Variants in GRIP1 observed in about 807,000 individuals in gnomAD.
GRIP1 encodes glutamate receptor-interacting protein 1.
A neutral mutation model predicts 129.9 loss-of-function variants in GRIP1; 45 were observed. The observed-to-expected ratio is 0.35, with a 90% CI of 0.27 to 0.44. GRIP1 has a LOEUF of 0.44. Among genes scored for constraint, GRIP1 ranks in the 20% least tolerant of loss-of-function variants. GRIP1 has a pLI of 1.00. For synonymous variants in GRIP1, 530 were observed against 520.8 expected (o/e 1.02, Z -0.24); for missense variants, 1,196 against 1,396.8 (o/e 0.86, Z 2.29).
intron 1 of GRIP1, among the ~76,000 whole-genome samples, chr12:66,826,666 A>G (rs1357984837): frequency 6.6e-6 from 1 of 152,048 alleles, no homozygotes; most frequent in Non-Finnish European, 1.5e-5. Context: ...TTAGATGAAA[A>G]TAAACTCATG....
chr12:66,797,549 T>C (rs149808146), intron 1 of GRIP1, among the ~76,000 whole-genome samples: 2 of 152,284 alleles, frequency 1.3e-5, no homozygotes, highest in East Asian at 3.9e-4. Context: ...GAGAATTATA[T>C]TTTGGGAGGA....
At chr12:66,886,024 A>G (rs2040560159) in intron 1 of GRIP1, among the ~76,000 whole-genome samples, 1 of 152,204 alleles carries the variant, frequency 6.6e-6, no homozygotes, top group Admixed American at 6.5e-5. Context: ...GCACTTTGGG[A>G]AACCAAGTTG....
At chr12:66,632,636 T>C (rs1457683434) in intron 1 of GRIP1, among the ~76,000 whole-genome samples, 1 of 152,216 alleles carries the variant, frequency 6.6e-6, no homozygotes, top group East Asian at 1.9e-4. Flanking sequence ...CTTTATAAAA[T>C]TCTTTGGTCT....
chr12:66,913,334 T>C (rs1027561257), intron 1 of GRIP1, among the ~76,000 whole-genome samples: 2 of 152,190 alleles, frequency 1.3e-5, no homozygotes, highest in Non-Finnish European at 2.9e-5. Flanking sequence ...GCAAGATTAA[T>C]GTCTTATGGA....
chr12:66,664,364 T>C (rs2033676911), intron 1 of GRIP1, among the ~76,000 whole-genome samples: 1 of 152,228 alleles, frequency 6.6e-6, no homozygotes, highest in Non-Finnish European at 1.5e-5. Context: ...TTTATATTTT[T>C]GCCACACCAT....
upstream of GRIP1, among the ~76,000 whole-genome samples, chr12:66,682,022 A>G (rs975922126): frequency 6.6e-6 from 1 of 152,158 alleles, no homozygotes; most frequent in African/African-American, 2.4e-5. Flanking sequence ...GGTGTTTTTC[A>G]TCAAAGTCAT....
At chr12:66,678,653 G>A (rs965358606) in intron 1 of GRIP1, among the ~76,000 whole-genome samples, 197 bp downstream of exon 1, 3 of 151,282 alleles carry the variant, frequency 2.0e-5, no homozygotes, top group African/African-American at 4.9e-5. Flanking sequence ...ATTTCAGCAC[G>A]AACACAACCG....
chr12:66,735,089 C>A (rs556330347), intron 1 of GRIP1, among the ~76,000 whole-genome samples: 2 of 152,120 alleles, frequency 1.3e-5, no homozygotes, highest in East Asian at 3.9e-4. Flanking sequence ...GAAACTGGGA[C>A]AAAGAAATGC....
intron 1 of GRIP1, among the ~76,000 whole-genome samples, chr12:67,059,988 T>G (rs1020109205): frequency 1.3e-5 from 2 of 152,182 alleles, no homozygotes; most frequent in African/African-American, 4.8e-5. Context: ...CAGTCAAACT[T>G]AGGTAGTGAG....
intron 5 of GRIP1, among the ~76,000 whole-genome samples, chr12:66,529,552 C>T (rs1283913536): frequency 3.3e-5 from 5 of 152,030 alleles, no homozygotes; most frequent in Non-Finnish European, 7.4e-5. Flanking sequence ...AATCAAATAT[C>T]GTATGTTCTC....
At chr12:66,470,065 T>G (rs1333742265) in intron 7 of GRIP1, among the ~76,000 whole-genome samples, 1 of 152,188 alleles carries the variant, frequency 6.6e-6, no homozygotes, top group African/African-American at 2.4e-5. Flanking sequence ...TCCATCTCCA[T>G]GATCACCACC....
chr12:66,529,401 A>G (rs2061370353), intron 5 of GRIP1, among the ~76,000 whole-genome samples: 2 of 152,246 alleles, frequency 1.3e-5, no homozygotes, highest in South Asian at 2.1e-4. Context: ...ATACCCATCA[A>G]TCAACTAGTG....
At chr12:66,460,964 T>C (rs182100719) in intron 9 of GRIP1, among the ~76,000 whole-genome samples, 1 of 152,312 alleles carries the variant, frequency 6.6e-6, no homozygotes, top group Admixed American at 6.5e-5. Flanking sequence ...ACCTGCTTGA[T>C]AAGAAAGACA....
intron 1 of GRIP1, among the ~76,000 whole-genome samples, chr12:66,720,109 A>G (rs1293437871): frequency 1.3e-5 from 2 of 152,150 alleles, no homozygotes; most frequent in African/African-American, 4.8e-5. Flanking sequence ...CATACCTTGG[A>G]GATATTGCGG....
chr12:66,434,763 G>C (rs1166086150), intron 13 of GRIP1, among the ~76,000 whole-genome samples: 1 of 152,228 alleles, frequency 6.6e-6, no homozygotes, highest in African/African-American at 2.4e-5. Context: ...TTTGGAATTA[G>C]CATGCACACT....
At chr12:66,910,865 C>A (rs1214126049) in intron 1 of GRIP1, among the ~76,000 whole-genome samples, 2 of 152,126 alleles carry the variant, frequency 1.3e-5, no homozygotes, top group African/African-American at 2.4e-5. Context: ...CAGAACAGCT[C>A]CATCTTTATC....
intron 1 of GRIP1, among the ~76,000 whole-genome samples, chr12:66,855,243 C>G (rs187370658): frequency 6.6e-6 from 1 of 152,070 alleles, no homozygotes; most frequent in East Asian, 1.9e-4. Flanking sequence ...AAGGACATCA[C>G]TATTTTCTCA....
upstream of GRIP1, among the ~76,000 whole-genome samples, chr12:66,681,154 C>A (rs2034568930): frequency 6.6e-6 from 1 of 152,132 alleles, no homozygotes; most frequent in Non-Finnish European, 1.5e-5. Flanking sequence ...CATATCTATC[C>A]TATTAGTCTG....
chr12:67,004,264 A>G (rs181262698), intron 1 of GRIP1, among the ~76,000 whole-genome samples: 44 of 152,316 alleles, frequency 2.9e-4, no homozygotes, highest in Non-Finnish European at 4.4e-4. Context: ...AATTGGCTGA[A>G]AAGCACCAGC....
Sources: allele counts gnomAD v4.1 joint callset (sites outside exome capture counted in the v4.1 genomes callset), GRCh38; gene constraint gnomAD v4.1.1; transcripts MANE v1.5; gene names NCBI Gene and HGNC (gene_info 2026-07-23, HGNC 2026-07-21).